Variants in AP3B1 observed in about 807,000 individuals in gnomAD.
AP3B1 encodes the protein adaptor related protein complex 3 subunit beta 1.
A neutral mutation model predicts 132.5 loss-of-function variants in AP3B1; 61 were observed. The observed-to-expected ratio is 0.46, with a 90% CI of 0.37 to 0.57. AP3B1 has a LOEUF of 0.57. Among genes scored for constraint, AP3B1 ranks in the 20% least tolerant of loss-of-function variants. The pLI is 0.00. For missense variants in AP3B1, 1,120 were observed against 1,289.4 expected (o/e 0.87, Z 2.01); for synonymous variants, 388 against 438.3 (o/e 0.89, Z 1.43).
At chr5:78,160,656 T>C (rs545857290) in intron 13 of AP3B1, among the ~76,000 whole-genome samples, 96 of 152,224 alleles carry the variant, frequency 6.3e-4, no homozygotes, top group African/African-American at 2.3e-3. Flanking sequence ...TACAGATTCC[T>C]AGAGCCTTAA....
chr5:78,193,124 G>A (rs566035776), intron 7 of AP3B1, among the ~76,000 whole-genome samples: 3 of 152,242 alleles, frequency 2.0e-5, no homozygotes, highest in South Asian at 4.2e-4. Flanking sequence ...TAGACTTTCA[G>A]TGACCACTTA....
intron 7 of AP3B1, among the ~76,000 whole-genome samples, chr5:78,184,686 C>CAAAAAAAAAAAAAAAAAAAAA (rs772722596): frequency 1.3e-4 from 14 of 110,554 alleles, no homozygotes; most frequent in African/African-American, 5.1e-4. Context: ...GACACTGTCT[C>CAAAAAAAAAAAAAAAAAAAAA]AAAAAAAAAA....
Position 78,039,393 on chromosome 5 carries a change from C to T in AP3B1, c.2578-119G>A. On this transcript the variant is annotated intron_variant, in intron 22 of 26. Transcript: ENST00000255194. ...TTCCCCTACAGTATTATATGAACTA[C>T]AATAACAAACATTAGTAGGATATCA... 8 of 762,484 alleles carry T rather than the reference C, an allele frequency of 1.0e-5. No homozygotes were observed. In the South Asian group the frequency reaches 1.2e-4, roughly 12 times the overall value. 47.2% of individuals were successfully genotyped at this position (762,484 alleles called of 1,614,324 possible).
chr5:78,056,536 T>G (rs1013697559), intron 22 of AP3B1, among the ~76,000 whole-genome samples: 1 of 152,188 alleles, frequency 6.6e-6, no homozygotes, highest in Non-Finnish European at 1.5e-5. Context: ...AAAAATGCTT[T>G]TATAACAACA....
rs555639639 is a variant in AP3B1 at position 78,248,391 on chromosome 5, G to A, written c.205-7455C>T. The stretch of plus-strand genomic sequence containing the variant: ...TGTAGTAGTCCCAGCTACTCAGGAG[G>A]CTGAGGCAGAAGAATCACTTGAACC... On this transcript the variant is annotated intron_variant, in intron 2 of 26. Transcript: ENST00000255194. Among the ~76,000 whole-genome samples, 12 of 151,220 alleles carry A rather than the reference G, an allele frequency of 7.9e-5. No homozygotes were observed. In the South Asian group the frequency reaches 2.5e-3, roughly 32 times the overall value.
intron 2 of AP3B1, among the ~76,000 whole-genome samples, chr5:78,242,530 C>T (rs1747181491): frequency 6.6e-6 from 1 of 152,120 alleles, no homozygotes; most frequent in South Asian, 2.1e-4. Context: ...CTTCAGTCTC[C>T]CGAGTAGCTG....
Position 78,241,003 on chromosome 5 carries a change from C to T in AP3B1, c.205-67G>A, listed in dbSNP as rs562268454. Reference sequence around the variant, plus strand: ...ATATTAAATATTTAGAAGATTAGGTCAACAAATAAGCTACGTAATTAACCG... The same window carrying T: ...ATATTAAATATTTAGAAGATTAGGTTAACAAATAAGCTACGTAATTAACCG... On this transcript the variant is annotated intron_variant, in intron 2 of 26. Transcript: ENST00000255194. 8 of 1,159,024 alleles carry T rather than the reference C, an allele frequency of 6.9e-6. No individual in the cohort carries two copies. The African/African-American group carries it at 1.2e-4, about 18-fold the overall frequency. The allele number at this position is 1,159,024 out of a possible 1,614,324, so 71.8% of individuals were successfully genotyped here. A position where few individuals can be genotyped will look rare whatever the true frequency, so the allele number is the denominator to read the frequency against.
At chr5:78,163,601 A>ATG (rs1478554318) in intron 12 of AP3B1, among the ~76,000 whole-genome samples, 3 of 136,914 alleles carry the variant, frequency 2.2e-5, no homozygotes, top group Admixed American at 8.1e-5. Context: ...GTATATATAT[A>ATG]TATGTGTGTG....
intron 3 of AP3B1, among the ~76,000 whole-genome samples, chr5:78,230,192 T>C (rs1220830901): frequency 6.6e-6 from 1 of 152,256 alleles, no homozygotes; most frequent in Non-Finnish European, 1.5e-5. Context: ...TTTAAAATTA[T>C]TTTAAATGAA....
At chr5:78,210,890 G>A in intron 7 of AP3B1, among the ~76,000 whole-genome samples, 1 of 151,754 alleles carries the variant, frequency 6.6e-6, no homozygotes, top group Non-Finnish European at 1.5e-5. Context: ...AGAGATCTAG[G>A]TTTATGCTTC....
chr5:78,186,912 G>C (rs1744628698), intron 7 of AP3B1, among the ~76,000 whole-genome samples: 1 of 151,988 alleles, frequency 6.6e-6, no homozygotes, highest in South Asian at 2.1e-4. Context: ...TCTCAGAATA[G>C]GAATAATATT....
At chr5:78,155,422 G>A (rs1743104739) in intron 14 of AP3B1, among the ~76,000 whole-genome samples, 1 of 152,062 alleles carries the variant, frequency 6.6e-6, no homozygotes. Flanking sequence ...CCTGATTTTT[G>A]GTTATGATGG....
chr5:78,070,881 G>T (rs559622303), intron 22 of AP3B1, among the ~76,000 whole-genome samples: 1 of 152,276 alleles, frequency 6.6e-6, no homozygotes, highest in East Asian at 1.9e-4. Context: ...ATGCCAGTCA[G>T]AATGGCGATT....
At chr5:78,064,463 T>C (rs1166090788) in intron 22 of AP3B1, among the ~76,000 whole-genome samples, 1 of 152,172 alleles carries the variant, frequency 6.6e-6, no homozygotes, top group Admixed American at 6.5e-5. Context: ...GCCGTTAAAA[T>C]TGAAATGAGC....
intron 24 of AP3B1, among the ~76,000 whole-genome samples, chr5:78,023,044 T>C (rs1747171906): frequency 6.6e-6 from 1 of 152,134 alleles, no homozygotes; most frequent in Non-Finnish European, 1.5e-5. Context: ...TGGGTAGCAC[T>C]GGGCAAGGGG....
intron 22 of AP3B1, chr5:78,042,680 G>T (rs1183174706): frequency 1.7e-5 from 3 of 172,744 alleles, no homozygotes; most frequent in South Asian, 1.6e-4. Context: ...AGCATTTCTC[G>T]AGAGATGTTC....
chr5:78,071,132 A>G (rs144087551), intron 22 of AP3B1, among the ~76,000 whole-genome samples: 2,299 of 152,346 alleles, frequency 0.015, 51 homozygotes, highest in African/African-American at 0.051. Context: ...AGCACTATTC[A>G]CAACAACAAA....
intron 1 of AP3B1, among the ~76,000 whole-genome samples, chr5:78,276,605 C>A (rs972356616): frequency 6.6e-6 from 1 of 152,062 alleles, no homozygotes; most frequent in African/African-American, 2.4e-5. Context: ...TGGTGGCATA[C>A]ACCTACAGTC....
chr5:78,280,711 C>T (rs1202443249), intron 1 of AP3B1, among the ~76,000 whole-genome samples: 1 of 152,170 alleles, frequency 6.6e-6, no homozygotes, highest in Admixed American at 6.5e-5. Context: ...CTTTCCAAGG[C>T]CACAGAAGGC....
Sources: allele counts gnomAD v4.1 joint callset (sites outside exome capture counted in the v4.1 genomes callset), GRCh38; gene constraint gnomAD v4.1.1; transcripts MANE v1.5; gene names NCBI Gene and HGNC (gene_info 2026-07-23, HGNC 2026-07-21).